CCDC3: variants seen among roughly 807,000 people sequenced by gnomAD.
The protein encoded by CCDC3 is coiled-coil domain containing 3, also known as coiled-coil domain-containing protein 3.
In CCDC3, 24 loss-of-function variants were observed where a neutral mutation model predicts 21.4. The observed-to-expected ratio is 1.12, with a 90% CI of 0.81 to 1.58. The LOEUF (loss-of-function observed/expected upper bound fraction) is 1.58. Ranked by LOEUF, CCDC3 falls within the 40% of genes most tolerant of loss-of-function variation. CCDC3 has a pLI of 0.00. For missense variants in CCDC3, 425 were observed against 360.9 expected (o/e 1.18, Z -1.44); for synonymous variants, 186 against 166.0 (o/e 1.12, Z -0.93).
At chr10:13,034,106 TGATA>T (rs1836343683) in intron 5 of CCDC3, among the ~76,000 whole-genome samples, 1 of 152,176 alleles carries the variant, frequency 6.6e-6, no homozygotes, top group Non-Finnish European at 1.5e-5. Flanking sequence ...TGTCCATCAA[TGATA>T]GATTAGATTA....
At position 13,001,261 on chromosome 10, in the gene CCDC3, G is replaced by A. The variant is rs1373411248; in HGVS notation, c.310C>T (p.Leu104=). ...PAGSRLNLTG[L]GYFSCHSHTV... ...TGGGAGTGGCACGAGAAGTAGCCCA[G>A]GCCGGTGAGGTTGAGCCTGGAGCCG... Residue 104 remains leucine, a synonymous_variant, in exon 1 of 3, where the codon CTG becomes TTG. Transcript: ENST00000378825. The A allele has an allele frequency of 6.3e-7, 1 of 1,596,996 alleles. No individual in the cohort carries two copies. The highest frequency in any genetic ancestry group is 8.5e-7 in the Non-Finnish European group (1 of 1,172,954).
chr10:12,995,999 T>A (rs1279368742), intron 2 of CCDC3, among the ~76,000 whole-genome samples: 1 of 152,182 alleles, frequency 6.6e-6, no homozygotes, highest in Non-Finnish European at 1.5e-5. Flanking sequence ...ATCAGAATAA[T>A]ATCTGATCTC....
At chr10:13,029,810 C>T (rs1295331019) in intron 5 of CCDC3, among the ~76,000 whole-genome samples, 3 of 152,022 alleles carry the variant, frequency 2.0e-5, no homozygotes, top group Non-Finnish European at 2.9e-5. Context: ...AAAAAGAAAT[C>T]AACAAAGCCT....
chr10:13,087,842 T>C (rs1837130773), intron 3 of CCDC3, among the ~76,000 whole-genome samples: 1 of 152,190 alleles, frequency 6.6e-6, no homozygotes. Flanking sequence ...GTAAGAGATC[T>C]ACAAGGTTGG....
intron 5 of CCDC3, among the ~76,000 whole-genome samples, chr10:13,046,947 T>TAAA (rs57820167): frequency 1.5e-5 from 2 of 135,616 alleles, no homozygotes; most frequent in Non-Finnish European, 1.6e-5. Flanking sequence ...ATTCACTTTC[T>TAAA]AAAAAAAAAA....
chr10:13,048,188 T>C (rs1836552963), intron 5 of CCDC3, among the ~76,000 whole-genome samples: 1 of 151,982 alleles, frequency 6.6e-6, no homozygotes, highest in South Asian at 2.1e-4. Flanking sequence ...GCAGAGTGAA[T>C]TGAGGTCCCA....
intron 5 of CCDC3, among the ~76,000 whole-genome samples, chr10:13,029,411 A>G (rs1287335820): frequency 6.6e-6 from 1 of 152,206 alleles, no homozygotes; most frequent in Non-Finnish European, 1.5e-5. Context: ...TGAAAATTCT[A>G]AAAACCGGAA....
chr10:12,926,096 C>T (rs1834532496), intron 2 of CCDC3, among the ~76,000 whole-genome samples: 1 of 152,204 alleles, frequency 6.6e-6, no homozygotes, highest in South Asian at 2.1e-4. Flanking sequence ...GTGCTCAGTC[C>T]TGGGTAGGGA....
At chr10:12,955,637 C>T (rs1835072053) in intron 2 of CCDC3, among the ~76,000 whole-genome samples, 1 of 152,206 alleles carries the variant, frequency 6.6e-6, no homozygotes, top group Non-Finnish European at 1.5e-5. Context: ...ACTGCAGCCT[C>T]AACCTCCTGT....
intron 2 of CCDC3, among the ~76,000 whole-genome samples, chr10:12,970,669 T>C (rs1025085671): frequency 6.6e-6 from 1 of 152,102 alleles, no homozygotes; most frequent in African/African-American, 2.4e-5. Flanking sequence ...GGGGATCACC[T>C]GAGGCCAAGA....
chr10:13,062,471 T>G (rs1368913518), intron 4 of CCDC3, among the ~76,000 whole-genome samples: 1 of 152,200 alleles, frequency 6.6e-6, no homozygotes, highest in Non-Finnish European at 1.5e-5. Context: ...ATTTTATATA[T>G]GCATTCTTAC....
intron 5 of CCDC3, among the ~76,000 whole-genome samples, chr10:13,012,368 T>C (rs563899379): frequency 6.6e-6 from 1 of 152,116 alleles, no homozygotes; most frequent in African/African-American, 2.4e-5. Context: ...CAGTAAAAAG[T>C]GGGCAAAGGA....
chr10:13,073,011 C>T (rs1836905120), intron 4 of CCDC3, among the ~76,000 whole-genome samples: 1 of 151,774 alleles, frequency 6.6e-6, no homozygotes, highest in Admixed American at 6.6e-5. Context: ...GGATTACAGG[C>T]ATGTGCCACC....
At chr10:13,009,304 T>C (rs567036846) in intron 5 of CCDC3, among the ~76,000 whole-genome samples, 1 of 152,306 alleles carries the variant, frequency 6.6e-6, no homozygotes, top group East Asian at 1.9e-4. Flanking sequence ...ATTTTTTTCA[T>C]AGGTTGGGAG....
intron 3 of CCDC3, among the ~76,000 whole-genome samples, chr10:13,093,661 T>C (rs556963460): frequency 6.6e-6 from 1 of 152,236 alleles, no homozygotes; most frequent in South Asian, 2.1e-4. Context: ...GGTCAAGGCC[T>C]AGGGGTGAGT....
intron 5 of CCDC3, among the ~76,000 whole-genome samples, chr10:13,043,971 C>G (rs1363266859): frequency 1.3e-5 from 2 of 152,336 alleles, no homozygotes; most frequent in Middle Eastern, 6.8e-3. Context: ...ACATCCTCAT[C>G]AACAGTAAAT....
At chr10:12,948,061 T>C (rs143939035) in intron 2 of CCDC3, among the ~76,000 whole-genome samples, 2 of 152,316 alleles carry the variant, frequency 1.3e-5, no homozygotes, top group African/African-American at 4.8e-5. Context: ...TCACCTTGAA[T>C]TGTAATAATC....
upstream of CCDC3, among the ~76,000 whole-genome samples, chr10:13,002,413 G>T (rs1835871007): frequency 1.3e-5 from 2 of 152,174 alleles, no homozygotes; most frequent in South Asian, 4.1e-4. Context: ...CTTGAGACAA[G>T]GTCTATATCT....
chr10:13,094,440 A>G (rs1832609748), intron 3 of CCDC3, among the ~76,000 whole-genome samples: 1 of 151,996 alleles, frequency 6.6e-6, no homozygotes, highest in Non-Finnish European at 1.5e-5. Context: ...TTTTTTTAGT[A>G]GAGATGGGGT....
Sources: allele counts gnomAD v4.1 joint callset (sites outside exome capture counted in the v4.1 genomes callset), GRCh38; gene constraint gnomAD v4.1.1; transcripts MANE v1.5; gene names NCBI Gene and HGNC (gene_info 2026-07-23, HGNC 2026-07-21).